Variants in POTEJ observed in about 807,000 individuals in gnomAD.
The protein encoded by POTEJ is POTE ankyrin domain family, member J.
A neutral mutation model predicts 69.0 loss-of-function variants in POTEJ; 11 were observed. That is an observed-to-expected ratio of 0.16 (90% confidence interval 0.10 to 0.26). The LOEUF (loss-of-function observed/expected upper bound fraction) is 0.26. POTEJ is among the 10% of genes least tolerant of loss of function. The pLI, the probability that POTEJ is intolerant of heterozygous loss-of-function variation, is 1.00. For missense variants in POTEJ, 327 were observed against 1,045.5 expected (o/e 0.31, Z 9.48); for synonymous variants, 117 against 381.1 (o/e 0.31, Z 8.07).
chr2:130,655,966 G>A (rs1242132557), intron 14 of POTEJ, among the ~76,000 whole-genome samples: 1 of 140,732 alleles, frequency 7.1e-6, no homozygotes. Flanking sequence ...AGGGTACAGT[G>A]CTTAGATTTG....
chr2:130,647,021 A>C (rs1315026606), intron 13 of POTEJ, among the ~76,000 whole-genome samples: 1 of 150,246 alleles, frequency 6.7e-6, no homozygotes, highest in African/African-American at 2.5e-5. Context: ...ATGTATACTT[A>C]TGTATAAGGA....
At position 130,640,171 on chromosome 2, in the gene POTEJ, GAGAT is replaced by G. The variant is rs547476412; in HGVS notation, c.1369+1483_1369+1486del. Among the ~76,000 whole-genome samples the G allele has an allele frequency of 6.6e-4, 97 of 146,024 alleles. 1 individual carries two copies. The highest frequency in any genetic ancestry group is 2.3e-3 in the African/African-American group (86 of 38,168). ...ACATTTGGCAGAAGGAACATGGAGTGAGATTGTGTGTTTGCCAGAAGGAACATCT... is the reference window on the plus strand; with the variant it reads ...ACATTTGGCAGAAGGAACATGGAGTGTGTGTGTTTGCCAGAAGGAACATCT... On this transcript the variant is annotated intron_variant, in intron 10 of 14. Transcript: ENST00000409602.
At chr2:130,647,349 A>G (rs1404890653) in intron 13 of POTEJ, among the ~76,000 whole-genome samples, 1 of 151,348 alleles carries the variant, frequency 6.6e-6, no homozygotes, top group Non-Finnish European at 1.5e-5. Context: ...TCAGTGCCTG[A>G]GTGCTGAAAT....
chr2:130,634,935 T>C (rs1172606630), intron 9 of POTEJ, among the ~76,000 whole-genome samples: 147 of 151,956 alleles, frequency 9.7e-4, no homozygotes, highest in Non-Finnish European at 1.7e-3. Context: ...AAATTATGCA[T>C]TTTTTCTTAC....
intron 5 of POTEJ, 23 bp from the exon 6 acceptor site, chr2:130,624,041 G>C: frequency 1.4e-6 from 2 of 1,458,590 alleles, no homozygotes; most frequent in Non-Finnish European, 1.9e-6. Flanking sequence ...TAGTAATTTG[G>C]TTTATTACAT....
At chr2:130,624,277 T>C (rs1249357384) in intron 6 of POTEJ, 143 bp downstream of exon 6, 2 of 542,684 alleles carry the variant, frequency 3.7e-6, no homozygotes, top group African/African-American at 4.8e-5. Flanking sequence ...GTTACATTTA[T>C]TGTGCTACTT....
chr2:130,627,027 G>A (rs1685736186), intron 6 of POTEJ, among the ~76,000 whole-genome samples: 1 of 152,172 alleles, frequency 6.6e-6, no homozygotes, highest in African/African-American at 2.4e-5. Context: ...GAATGAGAAA[G>A]CCTTGGGGGA....
chr2:130,647,290 AC>A (rs1686616274), intron 13 of POTEJ, among the ~76,000 whole-genome samples: 1 of 151,088 alleles, frequency 6.6e-6, no homozygotes, highest in African/African-American at 2.5e-5. Context: ...TGCTACATTG[AC>A]ACTGTACCTT....
chr2:130,636,922 CA>C lies in POTEJ; in HGVS notation c.1299-1690del, dbSNP rs1342185555. On this transcript the variant is annotated intron_variant, in intron 9 of 14. Coordinates refer to ENST00000409602, the MANE Select transcript of POTEJ (RefSeq NM_001277083.2). ...TGAAACCCCATCTCTACTAAAAATACAAAAAAATTAACCGGGTGTGGTGGCA... is the reference window on the plus strand; with the variant it reads ...TGAAACCCCATCTCTACTAAAAATACAAAAAATTAACCGGGTGTGGTGGCA... Among the ~76,000 whole-genome samples the C allele has an allele frequency of 2.7e-5, 4 of 146,580 alleles. No homozygotes were observed. The South Asian group carries it at 6.4e-4, about 23-fold the overall frequency.
chr2:130,612,831 A>G (rs1376914950), intron 1 of POTEJ, among the ~76,000 whole-genome samples: 13 of 147,438 alleles, frequency 8.8e-5, no homozygotes, highest in Non-Finnish European at 2.0e-4. Context: ...CCAAATAAAA[A>G]TAGCAAAGTT....
At chr2:130,614,523 A>C (rs1487326860) in intron 1 of POTEJ, among the ~76,000 whole-genome samples, 18 of 149,642 alleles carry the variant, frequency 1.2e-4, no homozygotes, top group African/African-American at 4.5e-4. Context: ...ACGTGCAAAG[A>C]TGTACTTTGC....
intron 3 of POTEJ, among the ~76,000 whole-genome samples, chr2:130,619,776 G>A (rs1199532062): frequency 1.3e-5 from 2 of 149,114 alleles, no homozygotes; most frequent in African/African-American, 2.5e-5. Context: ...CATGCCAAAT[G>A]CTGGTTTAGA....
rs567130914 is a variant in POTEJ at position 130,626,825 on chromosome 2, C to T, written c.1015+2691C>T. On this transcript the variant is annotated intron_variant, in intron 6 of 14. Coordinates refer to ENST00000409602, the MANE Select transcript of POTEJ (RefSeq NM_001277083.2). ...TCAACTACTTGTTTTAATATGTTGG[C>T]CTTTGTTTTTTTGGTGTTATGCTTT... is the stretch of plus-strand genomic sequence containing the variant. Among the ~76,000 whole-genome samples the T allele has an allele frequency of 1.1e-4, 17 of 152,236 alleles. No homozygotes were observed. In the South Asian group the frequency reaches 3.5e-3, roughly 32 times the overall value.
intron 13 of POTEJ, among the ~76,000 whole-genome samples, chr2:130,648,193 T>C (rs1316409328): frequency 6.9e-6 from 1 of 144,876 alleles, no homozygotes; most frequent in East Asian, 1.9e-4. Flanking sequence ...TTATGTAATC[T>C]AGAAATGTGC....
rs1403022805 is a variant in POTEJ, at chr2:130,629,145, G to A, written c.1016-804G>A. Among the ~76,000 whole-genome samples, 4 of 151,578 alleles carry A rather than the reference G, an allele frequency of 2.6e-5. No homozygotes were observed. The East Asian group carries it at 7.7e-4, about 29-fold the overall frequency. ...AGTAATTTTTGAAATCATTTGTAAGGTACTATTGTTGCAGAAAACAGGAAG... is the reference window on the plus strand; with the variant it reads ...AGTAATTTTTGAAATCATTTGTAAGATACTATTGTTGCAGAAAACAGGAAG... On this transcript the variant is annotated intron_variant, in intron 6 of 14. Transcript: ENST00000409602.
At chr2:130,643,406 T>C (rs1462122122) in intron 10 of POTEJ, among the ~76,000 whole-genome samples, 17 of 131,444 alleles carry the variant, frequency 1.3e-4, no homozygotes, top group African/African-American at 4.8e-4. Context: ...GTAATCACAG[T>C]TACTCAGGAG....
chr2:130,644,324 G>C (rs565412106), intron 11 of POTEJ, among the ~76,000 whole-genome samples: 1 of 147,862 alleles, frequency 6.8e-6, no homozygotes, highest in South Asian at 2.1e-4. Flanking sequence ...CAAAAACTTA[G>C]CTGGGCGTGG....
rs1685615500 is a variant in POTEJ at position 130,624,000 on chromosome 2, A to G, written c.945-64A>G. On this transcript the variant is annotated intron_variant, in intron 5 of 14. Transcript: ENST00000409602. ...TTTGAAATACTCTTAATAATTCTGC[A>G]TTTGGTAAGATTTTTATATCAGTAT... 7 of 1,480,242 alleles carry G rather than the reference A, an allele frequency of 4.7e-6. 1 individual carries two copies. Among genetic ancestry groups the G allele is most frequent in the Non-Finnish European group, 6.4e-6 (7 of 1,093,898 alleles). The allele number at this position is 1,480,242 out of a possible 1,614,324, so 91.7% of individuals were successfully genotyped here.
chr2:130,639,278 G>C (rs1353108821), intron 10 of POTEJ, among the ~76,000 whole-genome samples: 3 of 152,308 alleles, frequency 2.0e-5, no homozygotes, highest in Non-Finnish European at 4.4e-5. Flanking sequence ...GATTTAAAAA[G>C]TAAAAGTAAG....
Sources: allele counts gnomAD v4.1 joint callset (sites outside exome capture counted in the v4.1 genomes callset), GRCh38; gene constraint gnomAD v4.1.1; transcripts MANE v1.5; gene names NCBI Gene and HGNC (gene_info 2026-07-23, HGNC 2026-07-21).